The following FOXP2 variants were observed in gnomAD, a reference collection of about 807,000 sequenced individuals.
FOXP2 encodes the protein forkhead box P2.
FOXP2 carries 12 observed loss-of-function variants against 115.8 expected under a neutral mutation model. That is an observed-to-expected ratio of 0.10 (90% confidence interval 0.07 to 0.17). The LOEUF is 0.17. FOXP2 is among the 10% of genes least tolerant of loss of function. The pLI is 1.00. For missense variants in FOXP2, 629 were observed against 843.5 expected (o/e 0.75, Z 3.15); for synonymous variants, 328 against 297.7 (o/e 1.10, Z -1.05).
At chr7:114,308,014 C>T (rs1797056842) in intron 2 of FOXP2, among the ~76,000 whole-genome samples, 1 of 152,034 alleles carries the variant, frequency 6.6e-6, no homozygotes, top group Non-Finnish European at 1.5e-5. Flanking sequence ...ATTAATTGTT[C>T]CTCACCTCTC....
At position 114,509,019 on chromosome 7, in the gene FOXP2, T is replaced by A. The variant is rs953856439; in HGVS notation, c.169-25598T>A. Among the ~76,000 whole-genome samples the A allele has an allele frequency of 5.3e-5, 8 of 152,080 alleles. No individual in the cohort carries two copies. The East Asian group carries it at 1.3e-3, about 26-fold the overall frequency. On this transcript the variant is annotated intron_variant, in intron 2 of 16. Coordinates refer to ENST00000350908, the MANE Select transcript of FOXP2 (RefSeq NM_014491.4). ...AGTAAAAGAGCAAGCTTTGTGTATT[T>A]GAGAGATTCTAGACAGAGGGAACAG... is the stretch of plus-strand genomic sequence containing the variant.
At chr7:114,630,098 G>A (rs949809133) in intron 5 of FOXP2, 93 bp downstream of exon 5, 12 of 1,594,912 alleles carry the variant, frequency 7.5e-6, no homozygotes, top group Non-Finnish European at 1.0e-5. Context: ...CTATAACAAG[G>A]CTCTTGCTGT....
At chr7:114,517,554 GTT>G (rs1286052570) in intron 2 of FOXP2, among the ~76,000 whole-genome samples, 2 of 152,148 alleles carry the variant, frequency 1.3e-5, no homozygotes, top group East Asian at 3.9e-4. Flanking sequence ...GATATATGCA[GTT>G]TCCCTGTACC....
chr7:114,513,030 T>C (rs1334431051), intron 2 of FOXP2, among the ~76,000 whole-genome samples: 2 of 152,036 alleles, frequency 1.3e-5, no homozygotes, highest in Non-Finnish European at 2.9e-5. Context: ...TGCAGTGAGC[T>C]GAGATCGCTC....
chr7:114,454,954 G>A (rs1244542179), intron 2 of FOXP2, among the ~76,000 whole-genome samples: 1 of 143,778 alleles, frequency 7.0e-6, no homozygotes, highest in African/African-American at 2.6e-5. Flanking sequence ...CACCAGCATG[G>A]CACATGTATA....
chr7:114,370,511 G>T (rs1221737466), intron 2 of FOXP2, among the ~76,000 whole-genome samples: 2 of 152,190 alleles, frequency 1.3e-5, no homozygotes, highest in Non-Finnish European at 2.9e-5. Flanking sequence ...TTATCAACAT[G>T]ATGTCTGAGC....
chr7:114,314,819 C>T (rs570608126), intron 2 of FOXP2, among the ~76,000 whole-genome samples: 3 of 152,262 alleles, frequency 2.0e-5, no homozygotes, highest in South Asian at 2.1e-4. Context: ...TTATTATCAA[C>T]AGCTGTGTGT....
chr7:114,497,832 T>C (rs1697289296), intron 2 of FOXP2, among the ~76,000 whole-genome samples: 2 of 152,270 alleles, frequency 1.3e-5, no homozygotes, highest in South Asian at 4.1e-4. Context: ...TCAAATGACA[T>C]TTATGTTCAT....
intron 1 of FOXP2, among the ~76,000 whole-genome samples, chr7:114,181,049 C>T (rs530058425): frequency 6.6e-4 from 100 of 151,998 alleles, no homozygotes; most frequent in Admixed American, 2.1e-3. Flanking sequence ...TCTCTATCAT[C>T]ATTTTTCTCT....
At chr7:114,661,969 C>T in intron 13 of FOXP2, 96 bp from the exon 14 acceptor site, 2 of 1,462,258 alleles carry the variant, frequency 1.4e-6, no homozygotes, top group Non-Finnish European at 9.5e-7. Flanking sequence ...TAAGATTTTT[C>T]ACTCTGATTA....
chr7:114,260,080 C>G (rs1795710945), intron 1 of FOXP2, among the ~76,000 whole-genome samples: 1 of 151,894 alleles, frequency 6.6e-6, no homozygotes, highest in South Asian at 2.1e-4. Flanking sequence ...TTAGTAAAGA[C>G]AGAGTTTCAT....
chr7:114,183,904 C>T (rs1365639111), intron 1 of FOXP2, among the ~76,000 whole-genome samples: 1 of 152,112 alleles, frequency 6.6e-6, no homozygotes, highest in Non-Finnish European at 1.5e-5. Context: ...TGTGTTTTAT[C>T]TAGCCTGTCA....
intron 2 of FOXP2, 105 bp downstream of exon 2, chr7:114,426,784 G>C (rs1460483954): frequency 8.4e-7 from 1 of 1,185,026 alleles, no homozygotes; most frequent in Non-Finnish European, 1.2e-6. Flanking sequence ...TAAGCTAAAA[G>C]ATGCTGAGAA....
rs368923204 is a variant in FOXP2, at chr7:114,176,298, T to TTCTTTCTTTCTTTCTC, written c.-102+13213_-102+13214insTTCTTTCTTTCTCTCT. On this transcript the variant is annotated intron_variant, in intron 1 of 17. Transcript: ENST00000634411. ...TTTCTTTCTTTCTTTCTTTCTTTCT[T>TTCTTTCTTTCTTTCTC]TCTCTCTCTCTCTCTCTCTCTCTTT... Among the ~76,000 whole-genome samples, 35 of 76,578 alleles carry TTCTTTCTTTCTTTCTC rather than the reference T, an allele frequency of 4.6e-4. 1 individual carries two copies. The highest frequency in any genetic ancestry group is 9.7e-4 in the African/African-American group (18 of 18,516). 50.2% of individuals were successfully genotyped at this position (76,578 alleles called of 152,430 possible).
chr7:114,301,680 T>C (rs899578934), intron 2 of FOXP2, among the ~76,000 whole-genome samples: 1 of 152,126 alleles, frequency 6.6e-6, no homozygotes, highest in Non-Finnish European at 1.5e-5. Context: ...GTGTCTGTGA[T>C]CTCTTTTAAG....
At chr7:114,632,765 G>A (rs1804992386) in intron 6 of FOXP2, among the ~76,000 whole-genome samples, 1 of 151,352 alleles carries the variant, frequency 6.6e-6, no homozygotes, top group African/African-American at 2.4e-5. Flanking sequence ...AGCACTCCTA[G>A]GAAATCAAAA....
chr7:114,678,902 A>G (rs900362992), intron 16 of FOXP2, among the ~76,000 whole-genome samples: 2 of 152,176 alleles, frequency 1.3e-5, no homozygotes, highest in Non-Finnish European at 2.9e-5. Flanking sequence ...GTTAAGATGT[A>G]TTTTAACTAT....
At chr7:114,303,469 A>G (rs1400829191) in intron 2 of FOXP2, among the ~76,000 whole-genome samples, 1 of 152,168 alleles carries the variant, frequency 6.6e-6, no homozygotes, top group African/African-American at 2.4e-5. Context: ...TGTTTGACCA[A>G]AGCACTGGAG....
chr7:114,270,436 C>T (rs2129172726), intron 1 of FOXP2, among the ~76,000 whole-genome samples: 1 of 152,260 alleles, frequency 6.6e-6, no homozygotes, highest in South Asian at 2.1e-4. Flanking sequence ...GCATTCCCAC[C>T]AACAATGAAT....
Sources: allele counts gnomAD v4.1 joint callset (sites outside exome capture counted in the v4.1 genomes callset), GRCh38; gene constraint gnomAD v4.1.1; transcripts MANE v1.5; gene names NCBI Gene and HGNC (gene_info 2026-07-23, HGNC 2026-07-21).